The following MRPL22 variants were observed in gnomAD, a reference collection of about 807,000 sequenced individuals.
The protein encoded by MRPL22 is mitochondrial ribosomal protein L22.
MRPL22 carries 27 observed loss-of-function variants against 32.4 expected under a neutral mutation model. That is an observed-to-expected ratio of 0.83 (90% CI 0.61 to 1.15). The LOEUF (loss-of-function observed/expected upper bound fraction) is 1.15, where lower values mean the gene tolerates loss of function less well. Ranked by LOEUF, MRPL22 falls within the 50% of genes most tolerant of loss-of-function variation. MRPL22 has a pLI of 0.00. For missense variants in MRPL22, 239 were observed against 260.2 expected (o/e 0.92, Z 0.56); for synonymous variants, 86 against 87.3 (o/e 0.99, Z 0.08).
chr5:154,959,453 C>T (rs1457859831), intron 5 of MRPL22, among the ~76,000 whole-genome samples: 1 of 152,180 alleles, frequency 6.6e-6, no homozygotes, highest in African/African-American at 2.4e-5. Flanking sequence ...AAGTGATCCT[C>T]CAGCCTCAGC....
rs1764791237 is a variant in MRPL22, at chr5:154,967,994, TAATAG to T, written c.*1098_*1102del. 1 of 152,366 alleles carries T rather than the reference TAATAG, an allele frequency of 6.6e-6. No homozygotes were observed. Among genetic ancestry groups the T allele is most frequent in the Admixed American group, 6.5e-5 (1 of 15,312 alleles). 9.4% of individuals were successfully genotyped at this position (152,366 alleles called of 1,614,324 possible). A position where few individuals can be genotyped will look rare whatever the true frequency, so the allele number is the denominator to read the frequency against. On this transcript the variant is annotated 3_prime_UTR_variant, in exon 7 of 7. Coordinates refer to ENST00000523037, the MANE Select transcript of MRPL22 (RefSeq NM_014180.4). This position sits in a 1 kb window ranked among gnomAD's most constrained non-coding sequence, Gnocchi z 4.7. ...TTGCCATGTTTTAAGATGGCATTAA[TAATAG>T]TTACTGTTTACTGGGAACTTGTTAT...
intron 3 of MRPL22, among the ~76,000 whole-genome samples, chr5:154,953,681 CTTTT>C (rs772873962): frequency 2.8e-5 from 3 of 107,094 alleles, no homozygotes; most frequent in Admixed American, 1.0e-4. Context: ...CTAGTAAGAA[CTTTT>C]TTTTTTTTTT....
chr5:154,961,272 C>G (rs1764698642), intron 6 of MRPL22, among the ~76,000 whole-genome samples: 1 of 152,038 alleles, frequency 6.6e-6, no homozygotes. Context: ...AGATGCAGGG[C>G]CATGGTAGTT....
chr5:154,950,776 G>T (rs751027570), intron 2 of MRPL22, 45 bp from the exon 3 acceptor site: 13 of 1,234,656 alleles, frequency 1.1e-5, no homozygotes, highest in Admixed American at 8.7e-5. Flanking sequence ...CTACAGAAAG[G>T]TCCCCTAAGT....
intron 2 of MRPL22, among the ~76,000 whole-genome samples, chr5:154,947,188 A>T (rs1226437742): frequency 6.6e-6 from 1 of 152,170 alleles, no homozygotes; most frequent in Non-Finnish European, 1.5e-5. Context: ...TAGTCTATTT[A>T]CTGATGGGAA....
chr5:154,960,171 G>A (rs1231004972), intron 6 of MRPL22, 122 bp downstream of exon 6: 4 of 675,494 alleles, frequency 5.9e-6, no homozygotes, highest in Admixed American at 2.7e-5. Context: ...AAAATTGCTA[G>A]TAATGGCTTA....
rs1312043107 is a variant in MRPL22, at chr5:154,941,073, G to C, written c.-38G>C. On this transcript the variant is annotated 5_prime_UTR_variant, in exon 1 of 7. Coordinates refer to ENST00000523037, the MANE Select transcript of MRPL22 (RefSeq NM_014180.4). ...TGCGCATGCGTGCTGTCCAGAAGGC[G>C]CTTGAACTCGGCGGCTTCCGTAGCG... 5.0e-6 allele frequency: 8 copies of C among 1,612,962 alleles called. No homozygotes were observed. Among genetic ancestry groups the C allele is most frequent in the Non-Finnish European group, 6.8e-6 (8 of 1,179,932 alleles).
At chr5:154,965,744 T>G (rs772081706) in intron 6 of MRPL22, among the ~76,000 whole-genome samples, 1 of 152,134 alleles carries the variant, frequency 6.6e-6, no homozygotes, top group Non-Finnish European at 1.5e-5. Flanking sequence ...TTAAAAGATT[T>G]CTTTACACTT....
intron 2 of MRPL22, among the ~76,000 whole-genome samples, chr5:154,948,802 C>G (rs751540687): frequency 2.6e-5 from 4 of 152,184 alleles, no homozygotes; most frequent in Non-Finnish European, 5.9e-5. Flanking sequence ...TAAGTCTTGT[C>G]TTTTTCTTCA....
At chr5:154,957,510 T>C (rs1049714022) in intron 5 of MRPL22, among the ~76,000 whole-genome samples, 5 of 152,192 alleles carry the variant, frequency 3.3e-5, no homozygotes, top group Non-Finnish European at 1.5e-5. Context: ...TTGGTACGTA[T>C]ATGTGTGTAT....
rs1234232215 is a variant in MRPL22 at position 154,968,309 on chromosome 5, G to C, written c.*1412G>C. ...GTGGAATAAACCAAGGTGTAGGACA[G>C]ATTCATTCTGGGTCCTAAGCTGTTG... On this transcript the variant is annotated 3_prime_UTR_variant, in exon 7 of 7. Transcript: ENST00000523037. 1.3e-5 allele frequency: 2 copies of C among 152,196 alleles called. No individual in the cohort carries two copies. The highest frequency in any genetic ancestry group is 4.8e-5 in the African/African-American group (2 of 41,442). The allele number at this position is 152,196 out of a possible 1,614,324, so 9.4% of individuals were successfully genotyped here. A position where few individuals can be genotyped will look rare whatever the true frequency, so the allele number is the denominator to read the frequency against.
chr5:154,955,026 C>T (rs138104268), intron 3 of MRPL22, among the ~76,000 whole-genome samples: 3,332 of 151,812 alleles, frequency 0.022, 108 homozygotes, highest in African/African-American at 0.074. Flanking sequence ...GATCTCCTGA[C>T]CTTGTGATCC....
chr5:154,943,094 C>G (rs530337216), intron 2 of MRPL22, among the ~76,000 whole-genome samples: 1 of 151,884 alleles, frequency 6.6e-6, no homozygotes, highest in African/African-American at 2.4e-5. Flanking sequence ...TCATGATAAC[C>G]ATGTAAAATT....
intron 3 of MRPL22, among the ~76,000 whole-genome samples, chr5:154,954,691 A>T (rs1764608987): frequency 1.3e-5 from 2 of 152,198 alleles, no homozygotes; most frequent in African/African-American, 4.8e-5. Flanking sequence ...TCTGGTCAGG[A>T]TTACCATTGT....
intron 3 of MRPL22, among the ~76,000 whole-genome samples, chr5:154,951,748 G>T (rs574008374): frequency 3.2e-4 from 48 of 151,984 alleles, no homozygotes; most frequent in African/African-American, 1.1e-3. Context: ...TGTTGGCCAG[G>T]CTGGTCTCCA....
chr5:154,961,131 G>A (rs1350789043), intron 6 of MRPL22, among the ~76,000 whole-genome samples: 2 of 152,164 alleles, frequency 1.3e-5, no homozygotes, highest in African/African-American at 2.4e-5. Context: ...TGGCATTGAT[G>A]TTGGCCACCA....
intron 5 of MRPL22, among the ~76,000 whole-genome samples, chr5:154,958,393 C>T (rs1027138170): frequency 7.9e-5 from 12 of 151,988 alleles, no homozygotes; most frequent in African/African-American, 1.2e-4. Context: ...ATTCAGACTT[C>T]TAAAGGGTTC....
chr5:154,963,012 C>T (rs1302869456), intron 6 of MRPL22, among the ~76,000 whole-genome samples: 2 of 152,208 alleles, frequency 1.3e-5, no homozygotes, highest in Admixed American at 1.3e-4. Flanking sequence ...GATCTCAGCT[C>T]ACTGCAACCT....
chr5:154,956,616 CT>C (rs1764634286), intron 4 of MRPL22, 180 bp downstream of exon 4: 3 of 553,798 alleles, frequency 5.4e-6, no homozygotes, highest in Non-Finnish European at 6.3e-6. Flanking sequence ...TAATTTTCAC[CT>C]TTTTCTGAGA....
Sources: allele counts gnomAD v4.1 joint callset (sites outside exome capture counted in the v4.1 genomes callset), GRCh38; gene constraint gnomAD v4.1.1; non-coding constraint Gnocchi (gnomAD v3.1); transcripts MANE v1.5; gene names NCBI Gene and HGNC (gene_info 2026-07-23, HGNC 2026-07-21).